The following MRPS16 variants were observed in gnomAD, a reference collection of about 807,000 sequenced individuals.
The protein encoded by MRPS16 is small ribosomal subunit protein bS16m.
MRPS16 carries 5 observed loss-of-function variants against 11.0 expected under a neutral mutation model. The ratio of observed to expected loss-of-function variants is 0.46; its 90% confidence interval spans 0.24 to 0.96. The LOEUF is 0.96. MRPS16 is among the 40% of genes least tolerant of loss of function. The probability of loss-of-function intolerance (pLI) is 0.20; values close to 1 mark genes in which losing one functional copy is unlikely to be tolerated. For missense variants in MRPS16, 179 were observed against 174.4 expected (o/e 1.03, Z -0.15); for synonymous variants, 76 against 65.0 (o/e 1.17, Z -0.81).
At position 73,250,667 on chromosome 10, in the gene MRPS16, C is replaced by G; in HGVS notation, c.*185G>C. The G allele has an allele frequency of 2.6e-6, 2 of 761,302 alleles. No homozygotes were observed. The highest frequency in any genetic ancestry group is 2.2e-6 in the Non-Finnish European group (1 of 458,634). The allele number at this position is 761,302 out of a possible 1,614,324, so 47.2% of individuals were successfully genotyped here. On this transcript the variant is annotated 3_prime_UTR_variant, in exon 3 of 3. Transcript: ENST00000372945. Reference sequence around the variant, plus strand: ...CGAAAAAAGCTAATTAGTACCCACACCCAGCTCTAAGTCACACAAGAACAA... The same window carrying G: ...CGAAAAAAGCTAATTAGTACCCACAGCCAGCTCTAAGTCACACAAGAACAA...
At position 73,251,847 on chromosome 10, in the gene MRPS16, T is replaced by C. The variant is rs746100881; in HGVS notation, c.190A>G (p.Lys64Glu). The C allele has an allele frequency of 6.2e-7, 1 of 1,614,176 alleles. No individual in the cohort carries two copies. Among genetic ancestry groups the C allele is most frequent in the South Asian group, 1.1e-5 (1 of 91,084 alleles). The part of the protein sequence containing the change: ...YDPLPNSHGE[K>E]LVALNLDRIR... ...CTGTCTAGGTTGAGGGCAACGAGTT[T>C]TTCTCCATGACTGTTGGGCAATGGA... Residue 64 changes from lysine (K) to glutamate (E), a missense_variant, in exon 2 of 3, where the codon AAA becomes GAA. By Grantham distance (56) the Lys-to-Glu change is moderately conservative. Transcript: ENST00000372945.
chr10:73,252,037 G>A lies in MRPS16; in HGVS notation c.14-14C>T, dbSNP rs1205010514. The A allele has an allele frequency of 1.2e-6, 2 of 1,610,628 alleles. No homozygotes were observed. The highest frequency in any genetic ancestry group is 1.7e-6 in the Non-Finnish European group (2 of 1,178,308). On this transcript the variant is annotated splice_polypyrimidine_tract_variant and intron_variant, in intron 1 of 2. Coordinates refer to ENST00000372945, the MANE Select transcript of MRPS16 (RefSeq NM_016065.4). The stretch of plus-strand genomic sequence containing the variant: ...AGAGGAGAGTAGCTGTAGAAAAGCA[G>A]CTGGTTAGGACACAAAAAACAGCAC...
rs1399044533 is a variant in MRPS16 at position 73,250,550 on chromosome 10, G to GA, written c.*301dup. The GA allele has an allele frequency of 4.9e-6, 2 of 409,846 alleles. No individual in the cohort carries two copies. The highest frequency in any genetic ancestry group is 4.1e-5 in the African/African-American group (2 of 49,168). 25.4% of individuals were successfully genotyped at this position (409,846 alleles called of 1,614,324 possible). ...GGGGGTTTTGAAGCAGGAAGTCTTG[G>GA]AAGCCAGTAAATTGTAAAGTTGTCC... On this transcript the variant is annotated 3_prime_UTR_variant, in exon 3 of 3. Transcript: ENST00000372945.
Position 73,250,690 on chromosome 10 carries a change from C to T in MRPS16, c.*162G>A. Reference sequence around the variant, plus strand: ...CACCCAGCTCTAAGTCACACAAGAACAAATCTCTCCCTGGGCCCTGTGCAG... The same window carrying T: ...CACCCAGCTCTAAGTCACACAAGAATAAATCTCTCCCTGGGCCCTGTGCAG... On this transcript the variant is annotated 3_prime_UTR_variant, in exon 3 of 3. Coordinates refer to ENST00000372945, the MANE Select transcript of MRPS16 (RefSeq NM_016065.4). 1 of 944,796 alleles carries T rather than the reference C, an allele frequency of 1.1e-6. No homozygotes were observed. The highest frequency in any genetic ancestry group is 1.7e-6 in the Non-Finnish European group (1 of 604,236). The allele number at this position is 944,796 out of a possible 1,614,324, so 58.5% of individuals were successfully genotyped here.
rs2044055956 is a variant in MRPS16 at position 73,249,490 on chromosome 10, C to T, written c.*1362G>A. The T allele has an allele frequency of 1.4e-5, 9 of 639,796 alleles. No individual in the cohort carries two copies. In the South Asian group the frequency reaches 1.6e-4, roughly 12 times the overall value. The allele number at this position is 639,796 out of a possible 1,614,324, so 39.6% of individuals were successfully genotyped here. On this transcript the variant is annotated 3_prime_UTR_variant, in exon 3 of 3. Coordinates refer to ENST00000372945, the MANE Select transcript of MRPS16 (RefSeq NM_016065.4). ...ACAGGTTGTCAACATTATTGGTATA[C>T]AGTTTATCCTAACACAGAGCAGCCT...
chr10:73,252,439 C>T, intron 1 of MRPS16, 31 bp downstream of exon 1: 2 of 1,609,212 alleles, frequency 1.2e-6, no homozygotes, highest in Non-Finnish European at 1.7e-6. Context: ...CGTGACCGCC[C>T]GGAACGTCTC....
chr10:73,251,878 G>T lies in MRPS16; in HGVS notation c.159C>A (p.Ser53=). Residue 53 remains serine (S), a synonymous_variant, in exon 2 of 3, where the codon TCC becomes TCA. Coordinates refer to ENST00000372945, the MANE Select transcript of MRPS16 (RefSeq NM_016065.4). ...CATGACTGTTGGGCAATGGATCATA[G>T]GAGCCCAGCTGCTCTACGAAACGGC... The part of the protein sequence containing the change: ...RDGRFVEQLG[S]YDPLPNSHGE... 2 of 1,614,196 alleles carry T rather than the reference G, an allele frequency of 1.2e-6. No individual in the cohort carries two copies. The highest frequency in any genetic ancestry group is 1.7e-6 in the Non-Finnish European group (2 of 1,180,044).
Position 73,250,737 on chromosome 10 carries a change from C to T in MRPS16, c.*115G>A. On this transcript the variant is annotated 3_prime_UTR_variant, in exon 3 of 3. Transcript: ENST00000372945. ...GCAGGCCAGGCCAGAAGAGCAAGGG[C>T]AACTCAGGATACTCCATTTATTGAA... 7.1e-7 allele frequency: 1 copy of T among 1,406,466 alleles called. No individual in the cohort carries two copies. Among genetic ancestry groups the T allele is most frequent in the Non-Finnish European group, 9.9e-7 (1 of 1,006,304 alleles). The allele number at this position is 1,406,466 out of a possible 1,614,324, so 87.1% of individuals were successfully genotyped here.
chr10:73,250,852 TTA>T lies in MRPS16; in HGVS notation c.412_413del (p.Ter138AsnfsTer18). ...EATDTEATET* is the reference protein window; with the variant it reads ...EATDTEATETX ...GCTATGCTCACTAAAGTCAGCTCATTTATGTTTCTGTAGCCTCTGTATCTGTA... is the reference window on the plus strand; with the variant it reads ...GCTATGCTCACTAAAGTCAGCTCATTTGTTTCTGTAGCCTCTGTATCTGTA... On this transcript the variant is annotated frameshift_variant and stop_lost, in exon 3 of 3. Transcript: ENST00000372945. LOFTEE classifies it high-confidence loss of function. 2 of 1,613,854 alleles carry T rather than the reference TTA, an allele frequency of 1.2e-6. No homozygotes were observed. Among genetic ancestry groups the T allele is most frequent in the Non-Finnish European group, 8.5e-7 (1 of 1,180,020 alleles).
At position 73,249,184 on chromosome 10, in the gene MRPS16, C is replaced by T; in HGVS notation, c.*1668G>A. The T allele has an allele frequency of 8.7e-7, 1 of 1,145,432 alleles. No homozygotes were observed. Among genetic ancestry groups the T allele is most frequent in the Non-Finnish European group, 1.3e-6 (1 of 793,152 alleles). The allele number at this position is 1,145,432 out of a possible 1,614,324, so 71.0% of individuals were successfully genotyped here. On this transcript the variant is annotated 3_prime_UTR_variant, in exon 3 of 3. Transcript: ENST00000372945. ...CCTTCCACCTCAGCCTCCCAAAGTG[C>T]TGAGATTACAGGTGTGAGCCACTGC...
rs545933246 is a variant in MRPS16 at position 73,251,122 on chromosome 10, A to C, written c.275-131T>G. The C allele has an allele frequency of 9.5e-6, 10 of 1,054,916 alleles. 1 individual carries two copies. The South Asian group carries it at 1.3e-4, about 14-fold the overall frequency. The allele number at this position is 1,054,916 out of a possible 1,614,324, so 65.3% of individuals were successfully genotyped here. On this transcript the variant is annotated intron_variant, in intron 2 of 2. Transcript: ENST00000372945. ...ATGCAAACCATGCTCCTCACTTGCCAAACTCTGTACTACTTCTCCCCGGCA... is the reference window on the plus strand; with the variant it reads ...ATGCAAACCATGCTCCTCACTTGCCCAACTCTGTACTACTTCTCCCCGGCA...
chr10:73,252,202 T>G, intron 1 of MRPS16, 179 bp from the exon 2 acceptor site: 1 of 1,096,958 alleles, frequency 9.1e-7, no homozygotes. Flanking sequence ...AGCAATGACC[T>G]CCTCCTCATA....
chr10:73,252,251 T>C (rs2044124636), intron 1 of MRPS16: 1 of 1,009,918 alleles, frequency 9.9e-7, no homozygotes, highest in African/African-American at 1.6e-5. Context: ...TTCACTAGGC[T>C]CTGTGACCTT....
chr10:73,250,125 CAGG>C lies in MRPS16; in HGVS notation c.*724_*726del, dbSNP rs2044067319. 6.6e-6 allele frequency: 1 copy of C among 151,344 alleles called. No homozygotes were observed. The highest frequency in any genetic ancestry group is 1.5e-5 in the Non-Finnish European group (1 of 68,096). 9.4% of individuals were successfully genotyped at this position (151,344 alleles called of 1,614,324 possible). On this transcript the variant is annotated 3_prime_UTR_variant, in exon 3 of 3. Transcript: ENST00000372945. The stretch of plus-strand genomic sequence containing the variant: ...CCTGGGACTACTCGGGAGGCTGAAG[CAGG>C]AGAATGGCATGAACCCAGGAGACAG...
chr10:73,252,292 A>G, intron 1 of MRPS16, 178 bp downstream of exon 1: 1 of 1,142,264 alleles, frequency 8.8e-7, no homozygotes, highest in Non-Finnish European at 1.3e-6. Flanking sequence ...AATGGGGTGG[A>G]AATTTTTCAG....
chr10:73,251,078 G>A lies in MRPS16; in HGVS notation c.275-87C>T, dbSNP rs573577649. ...TCTGTCTCACAGAACTGAGGTCTGAGATCTGACCCAGTGCATGGATGCAAA... is the reference window on the plus strand; with the variant it reads ...TCTGTCTCACAGAACTGAGGTCTGAAATCTGACCCAGTGCATGGATGCAAA... On this transcript the variant is annotated intron_variant, in intron 2 of 2. Transcript: ENST00000372945. 34 of 1,494,126 alleles carry A rather than the reference G, an allele frequency of 2.3e-5. 1 individual carries two copies. The East Asian group carries it at 6.4e-4, about 28-fold the overall frequency. The allele number at this position is 1,494,126 out of a possible 1,614,324, so 92.6% of individuals were successfully genotyped here.
intron 2 of MRPS16, 35 bp from the exon 3 acceptor site, chr10:73,251,026 A>T: frequency 6.2e-7 from 1 of 1,611,738 alleles, no homozygotes; most frequent in Non-Finnish European, 8.5e-7. Flanking sequence ...ATTATAACAC[A>T]GTATAAGCCA....
At position 73,250,534 on chromosome 10, in the gene MRPS16, G is replaced by A; in HGVS notation, c.*318C>T. On this transcript the variant is annotated 3_prime_UTR_variant, in exon 3 of 3. Transcript: ENST00000372945. Reference sequence around the variant, plus strand: ...CATGAATAGTCTGGCTGGGGGTTTTGAAGCAGGAAGTCTTGGAAGCCAGTA... The same window carrying A: ...CATGAATAGTCTGGCTGGGGGTTTTAAAGCAGGAAGTCTTGGAAGCCAGTA... 2.6e-6 allele frequency: 1 copy of A among 391,114 alleles called. No individual in the cohort carries two copies. The allele number at this position is 391,114 out of a possible 1,614,324, so 24.2% of individuals were successfully genotyped here.
rs756606361 is a variant in MRPS16 at position 73,252,012 on chromosome 10, A to G, written c.25T>C (p.Cys9Arg). The change falls in exon 2 of 3, where the codon TGC becomes CGC. Residue 9 changes from cysteine (C) to arginine (R), a missense_variant. Transcript: ENST00000372945. MVHLTTLLCKAYRGGHLTI... is the reference protein window; with the variant it reads MVHLTTLLRKAYRGGHLTI... Reference sequence around the variant, plus strand: ...AAGTGGCCCCCACGGTAGGCCTTGCAGAGGAGAGTAGCTGTAGAAAAGCAG... The same window carrying G: ...AAGTGGCCCCCACGGTAGGCCTTGCGGAGGAGAGTAGCTGTAGAAAAGCAG... 1 of 1,613,708 alleles carries G rather than the reference A, an allele frequency of 6.2e-7. No individual in the cohort carries two copies. Among genetic ancestry groups the G allele is most frequent in the South Asian group, 1.1e-5 (1 of 91,026 alleles).
Sources: allele counts gnomAD v4.1 joint callset, GRCh38; gene constraint gnomAD v4.1.1; transcripts MANE v1.5; gene names NCBI Gene and HGNC (gene_info 2026-07-23, HGNC 2026-07-21).